Variants in NEK11 observed in about 807,000 individuals in gnomAD.
The protein encoded by NEK11 is NIMA related kinase 11, also known as serine/threonine-protein kinase Nek11.
In NEK11, 72 loss-of-function variants were observed where a neutral mutation model predicts 80.7. The observed-to-expected ratio is 0.89, with a 90% confidence interval of 0.74 to 1.08. The LOEUF (loss-of-function observed/expected upper bound fraction) is 1.08, where lower values mean the gene tolerates loss of function less well. Ranked by LOEUF, NEK11 falls within the 50% of genes least tolerant of loss-of-function variation. NEK11 has a pLI of 0.00. For missense variants in NEK11, 764 were observed against 763.6 expected (o/e 1.00, Z -0.01); for synonymous variants, 251 against 260.7 (o/e 0.96, Z 0.36).
chr3:131,069,660 A>T (rs1276064766), intron 3 of NEK11, among the ~76,000 whole-genome samples: 1 of 151,696 alleles, frequency 6.6e-6, no homozygotes, highest in African/African-American at 2.4e-5. Context: ...AAAAATGATG[A>T]GTTCACGTCC....
intron 16 of NEK11, among the ~76,000 whole-genome samples, chr3:131,267,604 C>T (rs2096085497): frequency 6.6e-6 from 1 of 152,220 alleles, no homozygotes; most frequent in African/African-American, 2.4e-5. Flanking sequence ...TGACCTTTCT[C>T]TCTCTTCTGG....
chr3:131,254,082 G>T (rs75125452), intron 16 of NEK11, among the ~76,000 whole-genome samples: 1 of 152,056 alleles, frequency 6.6e-6, no homozygotes, highest in Non-Finnish European at 1.5e-5. Context: ...AATCTGTTGC[G>T]TTCTTTGGAG....
chr3:131,202,005 T>C (rs2094250974), intron 14 of NEK11, among the ~76,000 whole-genome samples: 1 of 151,930 alleles, frequency 6.6e-6, no homozygotes, highest in Non-Finnish European at 1.5e-5. Context: ...TGGCTAATTT[T>C]TGTATTTTTA....
At chr3:131,044,508 G>C (rs2067076438) in intron 3 of NEK11, among the ~76,000 whole-genome samples, 2 of 139,090 alleles carry the variant, frequency 1.4e-5, no homozygotes, top group African/African-American at 5.3e-5. Flanking sequence ...AACCAACAAA[G>C]ATTAGAAGAG....
intron 14 of NEK11, among the ~76,000 whole-genome samples, chr3:131,174,193 A>G (rs1014642102): frequency 6.6e-6 from 1 of 152,226 alleles, no homozygotes; most frequent in Non-Finnish European, 1.5e-5. Context: ...AAAAGAAGAA[A>G]AAAAGAAAAT....
intron 14 of NEK11, among the ~76,000 whole-genome samples, chr3:131,194,516 G>A (rs2093924722): frequency 2.0e-5 from 3 of 151,968 alleles, no homozygotes; most frequent in Admixed American, 2.0e-4. Flanking sequence ...CATTGATAAT[G>A]TTTCTCTTCC....
chr3:131,202,452 C>G (rs186771575), intron 14 of NEK11, among the ~76,000 whole-genome samples: 30 of 152,312 alleles, frequency 2.0e-4, no homozygotes, highest in African/African-American at 6.3e-4. Flanking sequence ...TATCCAGCAC[C>G]TGGCTCAGCA....
At chr3:131,038,469 TG>T (rs1439537229) in intron 3 of NEK11, among the ~76,000 whole-genome samples, 1 of 152,246 alleles carries the variant, frequency 6.6e-6, no homozygotes, top group Non-Finnish European at 1.5e-5. Context: ...AGAATCCGTG[TG>T]CTTTCTATCT....
intron 3 of NEK11, among the ~76,000 whole-genome samples, chr3:131,073,224 A>G (rs1007699812): frequency 5.9e-5 from 9 of 152,204 alleles, no homozygotes; most frequent in African/African-American, 2.2e-4. Context: ...GGGAAAAGTC[A>G]TAGAATTCAC....
At chr3:131,099,430 G>A (rs1358045439) in intron 4 of NEK11, among the ~76,000 whole-genome samples, 1 of 152,056 alleles carries the variant, frequency 6.6e-6, no homozygotes, top group African/African-American at 2.4e-5. Context: ...CTTTTCCTTA[G>A]GATTGCTTTG....
intron 3 of NEK11, among the ~76,000 whole-genome samples, chr3:131,068,645 G>A (rs546862005): frequency 6.6e-6 from 1 of 152,240 alleles, no homozygotes; most frequent in African/African-American, 2.4e-5. Flanking sequence ...AAACCACACA[G>A]CATCTCTGTG....
At chr3:131,132,907 G>A in intron 6 of NEK11, 98 bp downstream of exon 6, 3 of 576,640 alleles carry the variant, frequency 5.2e-6, no homozygotes, top group Non-Finnish European at 6.1e-6. Context: ...AAGTATTAGA[G>A]TAATCATTGG....
chr3:131,310,400 T>G (rs140274128), intron 17 of NEK11, among the ~76,000 whole-genome samples: 87 of 152,334 alleles, frequency 5.7e-4, no homozygotes, highest in Middle Eastern at 6.8e-3. Context: ...TTTAATGTGA[T>G]GATTAATACG....
intron 3 of NEK11, among the ~76,000 whole-genome samples, chr3:131,050,255 C>CT (rs2068146704): frequency 6.6e-6 from 1 of 152,210 alleles, no homozygotes; most frequent in Non-Finnish European, 1.5e-5. Flanking sequence ...TCCAACAGAT[C>CT]ATCAGGAGAT....
At chr3:131,146,059 G>C (rs1441943869) in intron 7 of NEK11, among the ~76,000 whole-genome samples, 2 of 152,070 alleles carry the variant, frequency 1.3e-5, no homozygotes, top group Admixed American at 1.3e-4. Flanking sequence ...ATCAGGGGTT[G>C]TTGCTCCCAA....
intron 16 of NEK11, among the ~76,000 whole-genome samples, chr3:131,261,626 C>G (rs2095921715): frequency 6.6e-6 from 1 of 152,104 alleles, no homozygotes; most frequent in Admixed American, 6.6e-5. Context: ...GGTGAGAGAA[C>G]TAAAAGAATA....
intron 17 of NEK11, among the ~76,000 whole-genome samples, chr3:131,332,304 T>A (rs1027404345): frequency 6.6e-6 from 1 of 152,238 alleles, no homozygotes; most frequent in Non-Finnish European, 1.5e-5. Context: ...GCATTCGTGG[T>A]TCACGAAAAT....
intron 14 of NEK11, among the ~76,000 whole-genome samples, chr3:131,218,642 G>T (rs922406065): frequency 3.2e-4 from 48 of 152,308 alleles, no homozygotes; most frequent in Non-Finnish European, 6.6e-4. Context: ...ATGGCTTTTA[G>T]AGAGGTGGTT....
intron 3 of NEK11, among the ~76,000 whole-genome samples, chr3:131,060,113 A>G (rs1255115535): frequency 1.3e-5 from 2 of 152,206 alleles, no homozygotes; most frequent in African/African-American, 4.8e-5. Context: ...AACACAGAAT[A>G]TTATGGATAT....
Sources: gnomAD v4.1 joint callset for allele counts (sites outside exome capture counted in the v4.1 genomes callset) on GRCh38, gnomAD v4.1.1 for gene constraint, MANE v1.5 for transcripts, NCBI Gene and HGNC (gene_info 2026-07-23, HGNC 2026-07-21) for gene names.